TEX22: variants seen among roughly 807,000 people sequenced by gnomAD.
The protein encoded by TEX22 is testis-expressed protein 22.
A neutral mutation model predicts 11.3 loss-of-function variants in TEX22; 16 were observed. That is an observed-to-expected ratio of 1.42 (90% confidence interval 0.96 to 2.15). The LOEUF is 2.15. Ranked by LOEUF, TEX22 falls within the 30% of genes most tolerant of loss-of-function variation. TEX22 has a pLI of 0.00. For missense variants in TEX22, 220 were observed against 208.6 expected (o/e 1.05, Z -0.34); for synonymous variants, 97 against 92.3 (o/e 1.05, Z -0.29).
chr14:105,400,223 G>A (rs1330674641), intron 2 of TEX22, among the ~76,000 whole-genome samples: 1 of 152,212 alleles, frequency 6.6e-6, no homozygotes, highest in Non-Finnish European at 1.5e-5. Context: ...AGTTCAGTGT[G>A]GGGAGCTCAT....
intron 2 of TEX22, 85 bp from the exon 3 acceptor site, chr14:105,411,283 C>A (rs1566986744): frequency 1.6e-6 from 2 of 1,218,640 alleles, no homozygotes; most frequent in Non-Finnish European, 1.0e-6. Flanking sequence ...CGGGGGCGAG[C>A]TCTGAGGGTC....
At chr14:105,410,397 C>T (rs1356470663) in intron 2 of TEX22, among the ~76,000 whole-genome samples, 1 of 152,198 alleles carries the variant, frequency 6.6e-6, no homozygotes, top group African/African-American at 2.4e-5. Flanking sequence ...CTTTTTAAGG[C>T]TTAATAATAT....
chr14:105,411,934 C>G lies in TEX22; in HGVS notation c.*101C>G. On this transcript the variant is annotated 3_prime_UTR_variant, in exon 4 of 4. Coordinates refer to ENST00000451127, the MANE Select transcript of TEX22 (RefSeq NM_001195082.2). ...TCTTTGTGCCCCACCAGGGGGTCAC[C>G]ACCCACCCATGTTAGGAAAACAGGC... is the stretch of plus-strand genomic sequence containing the variant. 1 of 1,196,822 alleles carries G rather than the reference C, an allele frequency of 8.4e-7. No homozygotes were observed. Among genetic ancestry groups the G allele is most frequent in the African/African-American group, 1.6e-5 (1 of 62,082 alleles). The allele number at this position is 1,196,822 out of a possible 1,614,324, so 74.1% of individuals were successfully genotyped here.
chr14:105,413,780 C>A lies in TEX22; in HGVS notation c.*1947C>A, dbSNP rs1193886186. 1.3e-5 allele frequency: 2 copies of A among 152,232 alleles called. No homozygotes were observed. The highest frequency in any genetic ancestry group is 1.5e-5 in the Non-Finnish European group (1 of 68,064). The allele number at this position is 152,232 out of a possible 1,614,324, so 9.4% of individuals were successfully genotyped here. A position where few individuals can be genotyped will look rare whatever the true frequency, so the allele number is the denominator to read the frequency against. On this transcript the variant is annotated 3_prime_UTR_variant, in exon 4 of 4. Transcript: ENST00000451127. This position sits in a 1 kb window ranked among gnomAD's most constrained non-coding sequence, Gnocchi z 4.2. The stretch of plus-strand genomic sequence containing the variant: ...AGGTGGTGCCGGGACAGGGGCAGTG[C>A]CTGGAGACCGCTTAGGTTGTCACAA...
chr14:105,401,019 C>T (rs2081623645), intron 2 of TEX22, among the ~76,000 whole-genome samples: 1 of 152,196 alleles, frequency 6.6e-6, no homozygotes, highest in South Asian at 2.1e-4. Flanking sequence ...ATGTGCCAGT[C>T]TACCTGTGGG....
At chr14:105,406,912 T>C (rs2081661457) in intron 2 of TEX22, among the ~76,000 whole-genome samples, 1 of 152,200 alleles carries the variant, frequency 6.6e-6, no homozygotes, top group Non-Finnish European at 1.5e-5. Flanking sequence ...TTTTGTATCT[T>C]TTCAAATAAT....
Position 105,412,055 on chromosome 14 carries a change from C to T in TEX22, c.*222C>T. ...GCCATCTAGGGGAGGGGAACACTGC[C>T]CCGGGTCAGTCTGAGAGGGCCCTGG... On this transcript the variant is annotated 3_prime_UTR_variant, in exon 4 of 4. Transcript: ENST00000451127. The surrounding 1 kb of genome is among the most constrained non-coding windows in gnomAD (Gnocchi z 5.8). The T allele has an allele frequency of 4.7e-6, 2 of 425,442 alleles. No homozygotes were observed. The highest frequency in any genetic ancestry group is 8.2e-6 in the Non-Finnish European group (2 of 243,154). 26.4% of individuals were successfully genotyped at this position (425,442 alleles called of 1,614,324 possible). A position where few individuals can be genotyped will look rare whatever the true frequency, so the allele number is the denominator to read the frequency against.
In TEX22 at chr14:105,412,041, G is replaced by T. The variant is rs902478070; in HGVS notation, c.*208G>T. On this transcript the variant is annotated 3_prime_UTR_variant, in exon 4 of 4. Coordinates refer to ENST00000451127, the MANE Select transcript of TEX22 (RefSeq NM_001195082.2). The surrounding 1 kb of genome is among the most constrained non-coding windows in gnomAD (Gnocchi z 5.8). ...AGGGGCTATGGGAGGCCATCTAGGG[G>T]AGGGGAACACTGCCCCGGGTCAGTC... 4.4e-6 allele frequency: 2 copies of T among 458,656 alleles called. No individual in the cohort carries two copies. The highest frequency in any genetic ancestry group is 7.5e-6 in the Non-Finnish European group (2 of 265,686). The allele number at this position is 458,656 out of a possible 1,614,324, so 28.4% of individuals were successfully genotyped here. A position where few individuals can be genotyped will look rare whatever the true frequency, so the allele number is the denominator to read the frequency against.
At chr14:105,403,474 T>G (rs1555418623) in intron 2 of TEX22, among the ~76,000 whole-genome samples, 1 of 152,188 alleles carries the variant, frequency 6.6e-6, no homozygotes, top group African/African-American at 2.4e-5. Flanking sequence ...TCTCCTAGAC[T>G]CCTGCTTCTC....
intron 2 of TEX22, among the ~76,000 whole-genome samples, chr14:105,406,279 C>G (rs1490210276): frequency 6.6e-6 from 1 of 152,200 alleles, no homozygotes; most frequent in Non-Finnish European, 1.5e-5. Flanking sequence ...TTAAACATTT[C>G]TGTGCAATCA....
intron 2 of TEX22, among the ~76,000 whole-genome samples, chr14:105,402,910 T>C (rs1555418561): frequency 6.6e-6 from 1 of 152,186 alleles, no homozygotes; most frequent in Non-Finnish European, 1.5e-5. Context: ...AGGGTCTTGC[T>C]CTGTCACCAG....
At chr14:105,400,998 AAG>A (rs1400020666) in intron 2 of TEX22, among the ~76,000 whole-genome samples, 2 of 152,174 alleles carry the variant, frequency 1.3e-5, no homozygotes, top group Non-Finnish European at 2.9e-5. Context: ...GAAAAGGAAA[AAG>A]AGAAAATGAT....
chr14:105,403,005 A>T (rs1204992870), intron 2 of TEX22, among the ~76,000 whole-genome samples: 1 of 152,160 alleles, frequency 6.6e-6, no homozygotes. Flanking sequence ...GATCTCATGC[A>T]GGAAGGAGTT....
At chr14:105,410,289 C>A (rs1347005821) in intron 2 of TEX22, among the ~76,000 whole-genome samples, 1 of 152,178 alleles carries the variant, frequency 6.6e-6, no homozygotes, top group African/African-American at 2.4e-5. Flanking sequence ...GTTGGTCAGG[C>A]TAGTCTCGAA....
Position 105,398,623 on chromosome 14 carries a change from C to T in TEX22, c.-52C>T, listed in dbSNP as rs999322227. On this transcript the variant is annotated 5_prime_UTR_variant, in exon 1 of 4. Transcript: ENST00000451127. ...ACTCCAGCGGCCCCCTGTGGCCTCT[C>T]CATCCGCGGCGGGTCTGTCCCTCCT... 6.6e-6 allele frequency: 1 copy of T among 152,302 alleles called. No individual in the cohort carries two copies. The highest frequency in any genetic ancestry group is 2.4e-5 in the African/African-American group (1 of 41,466). The allele number at this position is 152,302 out of a possible 1,614,324, so 9.4% of individuals were successfully genotyped here.
chr14:105,399,161 C>T (rs1555418071), intron 1 of TEX22, 141 bp from the exon 2 acceptor site: 2 of 597,646 alleles, frequency 3.3e-6, no homozygotes, highest in Admixed American at 6.0e-5. Flanking sequence ...CCAGAGGGGT[C>T]AGTGATGCCT....
At chr14:105,401,578 CTTGTG>C (rs2081626640) in intron 2 of TEX22, among the ~76,000 whole-genome samples, 1 of 99,166 alleles carries the variant, frequency 1.0e-5, no homozygotes, top group Non-Finnish European at 1.9e-5. Flanking sequence ...ACCGGGGACT[CTTGTG>C]GGGTGGGGGG....
At chr14:105,408,160 C>G (rs2081668345) in intron 2 of TEX22, among the ~76,000 whole-genome samples, 1 of 152,152 alleles carries the variant, frequency 6.6e-6, no homozygotes, top group African/African-American at 2.4e-5. Flanking sequence ...AAGCCACTCT[C>G]AGCCCTTGCA....
chr14:105,409,501 CT>C (rs1232769820), intron 2 of TEX22, among the ~76,000 whole-genome samples: 169 of 132,570 alleles, frequency 1.3e-3, no homozygotes, highest in Middle Eastern at 3.8e-3. Context: ...TCTTCTTCTT[CT>C]TTTTTTTTTT....
Sources: gnomAD v4.1 joint callset for allele counts (sites outside exome capture counted in the v4.1 genomes callset) on GRCh38, gnomAD v4.1.1 for gene constraint, Gnocchi (gnomAD v3.1) non-coding constraint, MANE v1.5 for transcripts, NCBI Gene and HGNC (gene_info 2026-07-23, HGNC 2026-07-21) for gene names.